MAD1L1: variants seen among roughly 807,000 people sequenced by gnomAD.
The protein encoded by MAD1L1 is mitotic spindle assembly checkpoint protein MAD1.
Under a neutral mutation model 96.9 loss-of-function variants are expected in MAD1L1, and 95 were observed. The observed-to-expected ratio is 0.98, with a 90% CI of 0.83 to 1.16. The LOEUF (loss-of-function observed/expected upper bound fraction) is 1.16. Among genes scored for constraint, MAD1L1 ranks in the 50% most tolerant of loss-of-function variants. The pLI is 0.00. For synonymous variants in MAD1L1, 473 were observed against 396.6 expected (o/e 1.19, Z -2.29); for missense variants, 1,007 against 954.4 (o/e 1.06, Z -0.73).
chr7:1,891,434 G>A (rs1431278826), intron 18 of MAD1L1, among the ~76,000 whole-genome samples: 1 of 152,136 alleles, frequency 6.6e-6, no homozygotes, highest in Non-Finnish European at 1.5e-5. Context: ...GCTGAGGGAG[G>A]AGAATCGCTT....
chr7:2,062,611 G>A (rs1477461186), intron 12 of MAD1L1, among the ~76,000 whole-genome samples: 9 of 152,096 alleles, frequency 5.9e-5, no homozygotes, highest in Admixed American at 2.0e-4. Context: ...GTCAGGAGGC[G>A]CTTGCCCTGG....
At chr7:1,833,679 G>A (rs1295367788) in intron 18 of MAD1L1, among the ~76,000 whole-genome samples, 21 of 152,200 alleles carry the variant, frequency 1.4e-4, no homozygotes, top group African/African-American at 2.7e-4. Context: ...AGTGGCTCAC[G>A]CCTGTAATCC....
rs1789337179 is a variant in MAD1L1 at position 2,146,897 on chromosome 7, A to T, written c.1073+2255T>A. On this transcript the variant is annotated intron_variant, in intron 11 of 18. Coordinates refer to ENST00000265854, the MANE Select transcript of MAD1L1 (RefSeq NM_001013836.2). The surrounding 1 kb of genome is among the most constrained non-coding windows in gnomAD (Gnocchi z 6.2). ...GTGTCCCGCCACGGAAGAGAGCAGC[A>T]GCCCAGAGGCCAGAACGCAAGCACC... Among the ~76,000 whole-genome samples the T allele has an allele frequency of 6.6e-6, 1 of 152,236 alleles. No homozygotes were observed. The highest frequency in any genetic ancestry group is 2.4e-5 in the African/African-American group (1 of 41,466).
intron 16 of MAD1L1, among the ~76,000 whole-genome samples, chr7:1,950,427 C>G (rs1205289643): frequency 6.6e-6 from 1 of 152,268 alleles, no homozygotes; most frequent in Non-Finnish European, 1.5e-5. Context: ...AGATGAAGGA[C>G]TCTCAGCACA....
chr7:2,120,107 C>T (rs781235381), intron 11 of MAD1L1, among the ~76,000 whole-genome samples: 4 of 152,208 alleles, frequency 2.6e-5, no homozygotes, highest in Non-Finnish European at 4.4e-5. Flanking sequence ...CTCCTGCAGT[C>T]CCACGCCCCA....
rs144376343 is a variant in MAD1L1 at position 1,946,632 on chromosome 7, G to A, written c.1597-9735C>T. Among the ~76,000 whole-genome samples, 294 of 152,360 alleles carry A rather than the reference G, an allele frequency of 1.9e-3. 1 individual carries two copies. The highest frequency in any genetic ancestry group is 1.9e-3 in the Non-Finnish European group (132 of 68,032). On this transcript the variant is annotated intron_variant, in intron 16 of 18. Transcript: ENST00000265854. ...AGGCGCTCTGGTGCTGCTACCCAGC[G>A]CGGTTAAGCGGAAGAGCCGGCTGGC...
At chr7:2,163,820 C>G (rs1001491460) in intron 10 of MAD1L1, among the ~76,000 whole-genome samples, 1 of 152,052 alleles carries the variant, frequency 6.6e-6, no homozygotes, top group Non-Finnish European at 1.5e-5. Flanking sequence ...CCTCACCATG[C>G]GAATCTGACA....
At chr7:2,143,412 G>A (rs1789140513) in intron 11 of MAD1L1, among the ~76,000 whole-genome samples, 1 of 151,128 alleles carries the variant, frequency 6.6e-6, no homozygotes, top group South Asian at 2.1e-4. Flanking sequence ...GTCCTTGAGA[G>A]GACGGCCTAA....
chr7:1,910,598 C>T (rs1296772839), intron 17 of MAD1L1, among the ~76,000 whole-genome samples: 4 of 152,244 alleles, frequency 2.6e-5, no homozygotes, highest in African/African-American at 9.6e-5. Context: ...CCACCCCCAC[C>T]AGTGGTCTTC....
chr7:1,847,152 C>T lies in MAD1L1; in HGVS notation c.1999-30924G>A, dbSNP rs1328031832. 14 of 398,742 alleles carry T rather than the reference C, an allele frequency of 3.5e-5. 1 individual carries two copies. Among genetic ancestry groups the T allele is most frequent in the Admixed American group, 9.5e-5 (3 of 31,554 alleles). The allele number at this position is 398,742 out of a possible 1,614,324, so 24.7% of individuals were successfully genotyped here. ...ATGTTTTAAAGGCCTCTGACTTTCC[C>T]GTCTGTCCTGGGAACAAGGAGTTCC... On this transcript the variant is annotated intron_variant, in intron 18 of 18. Transcript: ENST00000265854.
intron 18 of MAD1L1, among the ~76,000 whole-genome samples, chr7:1,859,928 G>T (rs112059099): frequency 1.2e-3 from 150 of 128,532 alleles, no homozygotes; most frequent in African/African-American, 6.4e-3. Context: ...CCTGCGGGGC[G>T]GCCTCTGTCT....
chr7:2,215,953 G>C lies in MAD1L1; in HGVS notation c.856C>G (p.Leu286Val). Residue 286 changes from leucine (L) to valine (V), a missense_variant, in exon 9 of 19, where the codon CTG (leucine) becomes GTG (valine). Coordinates refer to ENST00000265854, the MANE Select transcript of MAD1L1 (RefSeq NM_001013836.2). ...NGLLQEELEG[L>V]QRKLGRQEKM... ...TCCTGGCGCCCCAGCTTCCTCTGCA[G>C]CCCTTCCAGCTCTTCCTGGAGCAGC... 1 of 1,614,176 alleles carries C rather than the reference G, an allele frequency of 6.2e-7. No homozygotes were observed.
At chr7:2,218,118 C>T in intron 6 of MAD1L1, 75 bp from the exon 7 acceptor site, 7 of 1,118,130 alleles carry the variant, frequency 6.3e-6, no homozygotes, top group South Asian at 6.2e-5. Context: ...GCCTGAGACC[C>T]GCCCCAGCAC....
chr7:1,936,121 G>A (rs1036196487), intron 17 of MAD1L1, among the ~76,000 whole-genome samples: 17 of 152,304 alleles, frequency 1.1e-4, no homozygotes, highest in Non-Finnish European at 2.1e-4. Flanking sequence ...ACACAGCCCC[G>A]GCAGCACCCT....
At chr7:2,189,978 T>C (rs1791643266) in intron 10 of MAD1L1, among the ~76,000 whole-genome samples, 1 of 152,100 alleles carries the variant, frequency 6.6e-6, no homozygotes. Context: ...AAAACTGCAC[T>C]GGAGGTCCCA....
At chr7:2,045,153 C>T (rs773880584) in intron 12 of MAD1L1, among the ~76,000 whole-genome samples, 13 of 152,008 alleles carry the variant, frequency 8.6e-5, no homozygotes, top group Non-Finnish European at 1.6e-4. Flanking sequence ...CTCCGGCCTC[C>T]CACCCGGCCT....
chr7:1,898,027 G>A lies in MAD1L1; in HGVS notation c.1998+173C>T, dbSNP rs1786994066. On this transcript the variant is annotated intron_variant, in intron 18 of 18. Coordinates refer to ENST00000265854, the MANE Select transcript of MAD1L1 (RefSeq NM_001013836.2). ...AGCCACATAGGGTTGGCCCAAGGCTGAGAAGCCTCAGGGGGTGACGAGGAC... is the reference window on the plus strand; with the variant it reads ...AGCCACATAGGGTTGGCCCAAGGCTAAGAAGCCTCAGGGGGTGACGAGGAC... The A allele has an allele frequency of 4.3e-6, 3 of 699,622 alleles. No homozygotes were observed. In the East Asian group the frequency reaches 8.1e-5, roughly 19 times the overall value. 43.3% of individuals were successfully genotyped at this position (699,622 alleles called of 1,614,324 possible). A position where few individuals can be genotyped will look rare whatever the true frequency, so the allele number is the denominator to read the frequency against.
intron 17 of MAD1L1, among the ~76,000 whole-genome samples, chr7:1,921,815 T>C (rs1373962348): frequency 6.6e-6 from 1 of 152,200 alleles, no homozygotes; most frequent in Non-Finnish European, 1.5e-5. Flanking sequence ...AGGGCAATTG[T>C]TTAGTGATCT....
At position 2,209,700 on chromosome 7, in the gene MAD1L1, C is replaced by T. The variant is rs116738712; in HGVS notation, c.986+3512G>A. Among the ~76,000 whole-genome samples the T allele has an allele frequency of 9.3e-3, 1,414 of 152,290 alleles. 23 individuals carry two copies. The highest frequency in any genetic ancestry group is 0.031 in the African/African-American group (1,295 of 41,570). ...TCCACACCCACGGGGCCTCGGGCCT[C>T]GGCAAGCCCCAAATCCCAGCAAAGC... On this transcript the variant is annotated intron_variant, in intron 10 of 18. Coordinates refer to ENST00000265854, the MANE Select transcript of MAD1L1 (RefSeq NM_001013836.2).
Sources: gnomAD v4.1 joint callset for allele counts (sites outside exome capture counted in the v4.1 genomes callset) on GRCh38, gnomAD v4.1.1 for gene constraint, Gnocchi (gnomAD v3.1) non-coding constraint, MANE v1.5 for transcripts, NCBI Gene and HGNC (gene_info 2026-07-23, HGNC 2026-07-21) for gene names.